The following NR2F2 variants were observed in gnomAD, a reference collection of about 807,000 sequenced individuals.
The protein encoded by NR2F2 is nuclear receptor subfamily 2 group F member 2.
NR2F2 carries 2 observed loss-of-function variants against 34.8 expected under a neutral mutation model. The ratio of observed to expected loss-of-function variants is 0.06; its 90% CI spans 0.02 to 0.18. The LOEUF is 0.18. NR2F2 is among the 10% of genes least tolerant of loss of function. The pLI is 1.00. For missense variants in NR2F2, 300 were observed against 580.1 expected (o/e 0.52, Z 4.96); for synonymous variants, 274 against 251.8 (o/e 1.09, Z -0.84).
rs1899157332 is a variant in NR2F2 at position 96,331,927 on chromosome 15, A to G, written c.-179A>G. Reference sequence around the variant, plus strand: ...TTGCAAAAGCAAAAACAAAAAAGGAAAAACTAACCAACCTCAACCAACCAG... The same window carrying G: ...TTGCAAAAGCAAAAACAAAAAAGGAGAAACTAACCAACCTCAACCAACCAG... On this transcript the variant is annotated 5_prime_UTR_variant, in exon 1 of 3. Coordinates refer to ENST00000394166, the MANE Select transcript of NR2F2 (RefSeq NM_021005.4). 1 of 1,207,956 alleles carries G rather than the reference A, an allele frequency of 8.3e-7. No individual in the cohort carries two copies. The highest frequency in any genetic ancestry group is 1.0e-6 in the Non-Finnish European group (1 of 973,202). The allele number at this position is 1,207,956 out of a possible 1,614,324, so 74.8% of individuals were successfully genotyped here. A position where few individuals can be genotyped will look rare whatever the true frequency, so the allele number is the denominator to read the frequency against.
In NR2F2 at chr15:96,331,636, G is replaced by T; in HGVS notation, c.-470G>T. On this transcript the variant is annotated 5_prime_UTR_variant, in exon 1 of 3. Transcript: ENST00000394166. ...TCGGCTGCACACCAGCTCTAAGAGC[G>T]AGAGTGAACGAGAGAGGGAGGGAGA... 2.6e-6 allele frequency: 3 copies of T among 1,169,934 alleles called. No individual in the cohort carries two copies. Among genetic ancestry groups the T allele is most frequent in the Non-Finnish European group, 3.2e-6 (3 of 935,152 alleles). 72.5% of individuals were successfully genotyped at this position (1,169,934 alleles called of 1,614,324 possible). A position where few individuals can be genotyped will look rare whatever the true frequency, so the allele number is the denominator to read the frequency against.
chr15:96,334,513 A>G lies in NR2F2; in HGVS notation c.880A>G (p.Ile294Val), dbSNP rs146156153. ...RVVAFMDHIR[I>V]FQEQVEKLKA... ...GGTCGCCTTTATGGACCACATACGGATCTTCCAAGAGCAAGTGGAGAAGCT... is the reference window on the plus strand; with the variant it reads ...GGTCGCCTTTATGGACCACATACGGGTCTTCCAAGAGCAAGTGGAGAAGCT... The change falls in exon 2 of 3, where the codon ATC becomes GTC. Residue 294 changes from isoleucine to valine, a missense_variant. By Grantham distance (29) the Ile-to-Val change is conservative. Transcript: ENST00000394166. The G allele has an allele frequency of 4.3e-6, 7 of 1,613,624 alleles. No individual in the cohort carries two copies. In the African/African-American group the frequency reaches 6.7e-5, roughly 15 times the overall value.
chr15:96,332,051 C>T lies in NR2F2; in HGVS notation c.-55C>T. On this transcript the variant is annotated 5_prime_UTR_variant, in exon 1 of 3. Transcript: ENST00000394166. ...CCGAGACCCGGGGAGCCGCCGCCGC[C>T]CCGCCGCCGCCCGCAGCCAGGGGAG... 7.9e-7 allele frequency: 1 copy of T among 1,259,158 alleles called. No homozygotes were observed. Among genetic ancestry groups the T allele is most frequent in the Non-Finnish European group, 1.0e-6 (1 of 1,001,380 alleles). The allele number at this position is 1,259,158 out of a possible 1,614,324, so 78.0% of individuals were successfully genotyped here. A position where few individuals can be genotyped will look rare whatever the true frequency, so the allele number is the denominator to read the frequency against.
In NR2F2 at chr15:96,338,534, C is replaced by G. The variant is rs184052088; in HGVS notation, c.*912C>G. On this transcript the variant is annotated 3_prime_UTR_variant, in exon 3 of 3. Coordinates refer to ENST00000394166, the MANE Select transcript of NR2F2 (RefSeq NM_021005.4). ...TATATCTGTTTGTATATTTGCAAAC[C>G]CTTTGTATTATAATTGTTGATATTT... is the stretch of plus-strand genomic sequence containing the variant. The G allele has an allele frequency of 4.3e-3, 657 of 152,456 alleles. 4 individuals are homozygous for G. The highest frequency in any genetic ancestry group is 0.014 in the Middle Eastern group (4 of 292). 9.4% of individuals were successfully genotyped at this position (152,456 alleles called of 1,614,324 possible). A position where few individuals can be genotyped will look rare whatever the true frequency, so the allele number is the denominator to read the frequency against.
chr15:96,330,720 C>T lies in NR2F2; in HGVS notation c.-1386C>T, dbSNP rs1263466520. The T allele has an allele frequency of 6.0e-6, 2 of 331,822 alleles. No homozygotes were observed. Among genetic ancestry groups the T allele is most frequent in the Non-Finnish European group, 8.9e-6 (2 of 223,646 alleles). The allele number at this position is 331,822 out of a possible 1,614,324, so 20.6% of individuals were successfully genotyped here. A position where few individuals can be genotyped will look rare whatever the true frequency, so the allele number is the denominator to read the frequency against. On this transcript the variant is annotated 5_prime_UTR_variant, in exon 1 of 3. Transcript: ENST00000394166. The stretch of plus-strand genomic sequence containing the variant: ...TCGCGGAGAAGCCACTTCTGCCAGC[C>T]CCGGCGCCTATAAATCGCATTCCCT...
Position 96,331,291 on chromosome 15 carries a change from G to C in NR2F2, c.-815G>C, listed in dbSNP as rs1054064821. The C allele has an allele frequency of 9.4e-7, 1 of 1,067,440 alleles. No homozygotes were observed. Among genetic ancestry groups the C allele is most frequent in the African/African-American group, 1.7e-5 (1 of 58,752 alleles). The allele number at this position is 1,067,440 out of a possible 1,614,324, so 66.1% of individuals were successfully genotyped here. On this transcript the variant is annotated 5_prime_UTR_variant, in exon 1 of 3. Transcript: ENST00000394166. ...CCGGACGCCCGGGGCAGGCGGCGGC[G>C]GCGGCGGCCCAGCGCCAGGACGACG...
chr15:96,329,772 G>A (rs1014058310), upstream of NR2F2, among the ~76,000 whole-genome samples: 30 of 152,104 alleles, frequency 2.0e-4, no homozygotes, highest in Non-Finnish European at 3.7e-4. Context: ...ATGTTGGCTG[G>A]AGAGTTAGCT....
intron 1 of NR2F2, chr15:96,333,282 C>A: frequency 1.0e-6 from 1 of 958,698 alleles, no homozygotes; most frequent in African/African-American, 1.8e-5. Context: ...GCGCGGGCTC[C>A]GGGTTGGGGC....
At position 96,331,984 on chromosome 15, in the gene NR2F2, C is replaced by T; in HGVS notation, c.-122C>T. On this transcript the variant is annotated 5_prime_UTR_variant, in exon 1 of 3. Coordinates refer to ENST00000394166, the MANE Select transcript of NR2F2 (RefSeq NM_021005.4). ...AGCCACCCGGGGCGCCCTCCCGCGC[C>T]CTCTTGCACCCTCGCACACACAAAA... is the stretch of plus-strand genomic sequence containing the variant. 1 of 1,207,978 alleles carries T rather than the reference C, an allele frequency of 8.3e-7. No homozygotes were observed. Among genetic ancestry groups the T allele is most frequent in the African/African-American group, 1.6e-5 (1 of 63,314 alleles). 74.8% of individuals were successfully genotyped at this position (1,207,978 alleles called of 1,614,324 possible). A position where few individuals can be genotyped will look rare whatever the true frequency, so the allele number is the denominator to read the frequency against.
intron 1 of NR2F2, chr15:96,333,864 G>T: frequency 1.4e-6 from 2 of 1,425,614 alleles, no homozygotes; most frequent in South Asian, 3.1e-5. Context: ...GGAGGCAAGT[G>T]TGCCCCTCTG....
intron 2 of NR2F2, 139 bp downstream of exon 2, chr15:96,334,742 T>C: frequency 1.1e-6 from 1 of 884,450 alleles, no homozygotes; most frequent in South Asian, 1.8e-5. Context: ...AGTGGGAACT[T>C]TTTATAGCTG....
chr15:96,330,785 C>G lies in NR2F2; in HGVS notation c.-1321C>G. ...TTTAGCATATTTGATCACTTTGATT[C>G]TCTGTTCTTTTCTCTCCGCGGTGTG... On this transcript the variant is annotated 5_prime_UTR_variant, in exon 1 of 3. Coordinates refer to ENST00000394166, the MANE Select transcript of NR2F2 (RefSeq NM_021005.4). 12 of 946,576 alleles carry G rather than the reference C, an allele frequency of 1.3e-5. No individual in the cohort carries two copies. The highest frequency in any genetic ancestry group is 1.2e-5 in the Non-Finnish European group (9 of 762,338). 58.6% of individuals were successfully genotyped at this position (946,576 alleles called of 1,614,324 possible).
chr15:96,327,217 G>C (rs1238105098), upstream of NR2F2: 1 of 151,964 alleles, frequency 6.6e-6, no homozygotes, highest in African/African-American at 2.4e-5. Flanking sequence ...CAGTGACTCG[G>C]GAAACGCAGA....
chr15:96,337,009 G>A lies in NR2F2; in HGVS notation c.971-339G>A, dbSNP rs117632866. ...TGGTTTCTTCTGTTTACTGACTTGGGCCAGACAGACCCAATGCACTTTTGC... is the reference window on the plus strand; with the variant it reads ...TGGTTTCTTCTGTTTACTGACTTGGACCAGACAGACCCAATGCACTTTTGC... On this transcript the variant is annotated intron_variant, in intron 2 of 2. Coordinates refer to ENST00000394166, the MANE Select transcript of NR2F2 (RefSeq NM_021005.4). Among the ~76,000 whole-genome samples, 552 of 152,224 alleles carry A rather than the reference G, an allele frequency of 3.6e-3. 2 individuals are homozygous for A. Among genetic ancestry groups the A allele is most frequent in the Non-Finnish European group, 6.4e-3 (433 of 68,010 alleles).
At position 96,340,164 on chromosome 15, in the gene NR2F2, T is replaced by C. The variant is rs556966279; in HGVS notation, c.*2542T>C. ...CTCTAATAAGTAAAACACAGGCCCTTTTCCTTGTTTGTTTTGTGTTAGTTT... is the reference window on the plus strand; with the variant it reads ...CTCTAATAAGTAAAACACAGGCCCTCTTCCTTGTTTGTTTTGTGTTAGTTT... On this transcript the variant is annotated 3_prime_UTR_variant, in exon 3 of 3. Transcript: ENST00000394166. 2 of 152,326 alleles carry C rather than the reference T, an allele frequency of 1.3e-5. No homozygotes were observed. Among genetic ancestry groups the C allele is most frequent in the African/African-American group, 4.8e-5 (2 of 41,560 alleles). The allele number at this position is 152,326 out of a possible 1,614,324, so 9.4% of individuals were successfully genotyped here.
chr15:96,335,886 G>A (rs1367092455), intron 2 of NR2F2, among the ~76,000 whole-genome samples: 1 of 152,206 alleles, frequency 6.6e-6, no homozygotes, highest in African/African-American at 2.4e-5. Context: ...TTCTGCCTTT[G>A]GAAGTCCTTA....
At position 96,331,403 on chromosome 15, in the gene NR2F2, C is replaced by T; in HGVS notation, c.-703C>T. The T allele has an allele frequency of 8.1e-7, 1 of 1,229,144 alleles. No individual in the cohort carries two copies. Among genetic ancestry groups the T allele is most frequent in the Non-Finnish European group, 1.0e-6 (1 of 986,492 alleles). 76.1% of individuals were successfully genotyped at this position (1,229,144 alleles called of 1,614,324 possible). A position where few individuals can be genotyped will look rare whatever the true frequency, so the allele number is the denominator to read the frequency against. On this transcript the variant is annotated 5_prime_UTR_variant, in exon 1 of 3. Coordinates refer to ENST00000394166, the MANE Select transcript of NR2F2 (RefSeq NM_021005.4). Reference sequence around the variant, plus strand: ...GGCCACTCCGCGGGCCGCCGGCCTCCGCCCCGGCCTGCCTGGCTCCCTGGG... The same window carrying T: ...GGCCACTCCGCGGGCCGCCGGCCTCTGCCCCGGCCTGCCTGGCTCCCTGGG...
At chr15:96,336,419 G>A (rs902234599) in intron 2 of NR2F2, among the ~76,000 whole-genome samples, 1 of 152,108 alleles carries the variant, frequency 6.6e-6, no homozygotes, top group African/African-American at 2.4e-5. Context: ...TGTGTGTTCT[G>A]GTTCTTGGGG....
At position 96,332,295 on chromosome 15, in the gene NR2F2, G is replaced by A; in HGVS notation, c.190G>A (p.Gly64Ser). Residue 64 changes from glycine (G) to serine (S), a missense_variant, in exon 1 of 3, where the codon GGC becomes AGC. Gly to Ser is a moderately conservative substitution (Grantham distance 56). Coordinates refer to ENST00000394166, the MANE Select transcript of NR2F2 (RefSeq NM_021005.4). ...QTAAGGQGGP[G>S]GPGSDKQQQQ... ...GGCGGCCGGTGGCCAGGGCGGCCCT[G>A]GCGGCCCGGGTAGCGACAAGCAGCA... The A allele has an allele frequency of 6.4e-7, 1 of 1,570,516 alleles. No individual in the cohort carries two copies.
Sources: gnomAD v4.1 joint callset for allele counts (sites outside exome capture counted in the v4.1 genomes callset) on GRCh38, gnomAD v4.1.1 for gene constraint, MANE v1.5 for transcripts, NCBI Gene and HGNC (gene_info 2026-07-23, HGNC 2026-07-21) for gene names.